The following MCTP1 variants were observed in gnomAD, a reference collection of about 807,000 sequenced individuals.
The protein encoded by MCTP1 is multiple C2 and transmembrane domain-containing protein 1.
A neutral mutation model predicts 120.6 loss-of-function variants in MCTP1; 69 were observed. That is an observed-to-expected ratio of 0.57 (90% CI 0.47 to 0.70). MCTP1 has a LOEUF of 0.70. Ranked by LOEUF, MCTP1 falls within the 30% of genes least tolerant of loss-of-function variation. MCTP1 has a pLI of 0.00. For missense variants in MCTP1, 1,203 were observed against 1,248.8 expected, an observed-to-expected ratio of 0.96 and a Z score of 0.55; for synonymous variants, 529 against 493.1, an observed-to-expected ratio of 1.07 and a Z score of -0.96.
rs566033810 is a variant in MCTP1 at position 94,708,521 on chromosome 5, A to G, written c.2919T>C (p.Asp973=). ...LLDFLSRVPS[D]VQVVQYQELK... ...AACGAAACCTACATACCACTTGTAC[A>G]TCTGAAGGGACTCTGGAAAGGAAGT... The change falls in exon 22 of 23, where the codon GAT becomes GAC. Residue 973 remains aspartate (D), a synonymous_variant. Transcript: ENST00000515393. 23 of 1,594,926 alleles carry G rather than the reference A, an allele frequency of 1.4e-5. No homozygotes were observed. The highest frequency in any genetic ancestry group is 4.0e-5 in the African/African-American group (3 of 74,408).
intron 1 of MCTP1, among the ~76,000 whole-genome samples, chr5:95,185,833 T>TA (rs1749142137): frequency 6.6e-6 from 1 of 151,780 alleles, no homozygotes; most frequent in African/African-American, 2.4e-5. Flanking sequence ...CTGTCTCTAC[T>TA]AAAAAAATAA....
intron 17 of MCTP1, among the ~76,000 whole-genome samples, chr5:94,808,670 G>T (rs994031628): frequency 6.6e-6 from 1 of 152,064 alleles, no homozygotes; most frequent in Non-Finnish European, 1.5e-5. Context: ...AAATCAAAGT[G>T]CACTATCTAC....
chr5:95,034,723 T>C (rs1840935222), intron 1 of MCTP1, among the ~76,000 whole-genome samples: 2 of 151,744 alleles, frequency 1.3e-5, no homozygotes, highest in Admixed American at 1.3e-4. Context: ...AATAGACAAA[T>C]GGGACTTAAG....
At chr5:95,032,787 C>G (rs186592436) in intron 1 of MCTP1, among the ~76,000 whole-genome samples, 1 of 151,890 alleles carries the variant, frequency 6.6e-6, no homozygotes, top group Admixed American at 6.6e-5. Context: ...AAAGGATCAA[C>G]AAAATGAACA....
intron 1 of MCTP1, among the ~76,000 whole-genome samples, chr5:95,265,257 T>C (rs1339793909): frequency 6.6e-6 from 1 of 152,124 alleles, no homozygotes; most frequent in Non-Finnish European, 1.5e-5. Flanking sequence ...CCAAGAGGTG[T>C]TCACATTCCA....
rs1561494015 is a variant in MCTP1 at position 94,706,025 on chromosome 5, C to T, written c.*1471G>A. On this transcript the variant is annotated 3_prime_UTR_variant, in exon 23 of 23. Coordinates refer to ENST00000515393, the MANE Select transcript of MCTP1 (RefSeq NM_024717.7). ...ACAACTTATCTCTAAAATAAAAATA[C>T]TTTAAAAATCAGCTTCAATGAGATT... 6.6e-6 allele frequency: 1 copy of T among 151,506 alleles called. No homozygotes were observed. The highest frequency in any genetic ancestry group is 2.4e-5 in the African/African-American group (1 of 41,338). The allele number at this position is 151,506 out of a possible 1,614,324, so 9.4% of individuals were successfully genotyped here. A position where few individuals can be genotyped will look rare whatever the true frequency, so the allele number is the denominator to read the frequency against.
intron 1 of MCTP1, among the ~76,000 whole-genome samples, chr5:95,281,331 G>A (rs576375541): frequency 6.6e-6 from 1 of 152,318 alleles, no homozygotes; most frequent in African/African-American, 2.4e-5. Context: ...CCCCTTCCAG[G>A]TTCCAATTCC....
intron 6 of MCTP1, 104 bp downstream of exon 6, chr5:94,931,849 T>C: frequency 1.2e-6 from 1 of 866,958 alleles, no homozygotes. Flanking sequence ...AATTGAATAG[T>C]ATGAAATCTG....
At chr5:95,060,940 CA>C (rs34418928) in intron 1 of MCTP1, among the ~76,000 whole-genome samples, 99,313 of 116,998 alleles carry the variant, frequency 0.85, 42,287 homozygotes, top group East Asian at 0.97. Context: ...TGCCACTCCA[CA>C]AAAAAAAAAA....
intron 19 of MCTP1, among the ~76,000 whole-genome samples, chr5:94,753,096 T>C (rs1165437788): frequency 6.6e-6 from 1 of 152,180 alleles, no homozygotes; most frequent in Non-Finnish European, 1.5e-5. Context: ...AGGTCCTAAT[T>C]ACCCTGACTG....
chr5:94,772,329 A>G (rs553540294), intron 19 of MCTP1, among the ~76,000 whole-genome samples: 8 of 152,186 alleles, frequency 5.3e-5, no homozygotes, highest in African/African-American at 1.9e-4. Flanking sequence ...GGAGAGCTCT[A>G]CCTTTAGGTA....
intron 1 of MCTP1, among the ~76,000 whole-genome samples, chr5:95,028,815 C>G (rs557395526): frequency 6.6e-6 from 1 of 152,158 alleles, no homozygotes; most frequent in Admixed American, 6.5e-5. Flanking sequence ...TATTTGTTTT[C>G]TAATCTTTAA....
intron 17 of MCTP1, among the ~76,000 whole-genome samples, chr5:94,840,312 C>T (rs1330921166): frequency 6.6e-6 from 1 of 152,194 alleles, no homozygotes; most frequent in Non-Finnish European, 1.5e-5. Flanking sequence ...CAGGACAAAA[C>T]TGAGAAGACT....
intron 1 of MCTP1, among the ~76,000 whole-genome samples, chr5:95,246,755 T>C (rs1468023844): frequency 1.3e-5 from 2 of 152,092 alleles, no homozygotes; most frequent in African/African-American, 2.4e-5. Context: ...CAGATCATGG[T>C]GGATAAGCTT....
In MCTP1 at chr5:95,081,662, C is replaced by T. The variant is rs189891683; in HGVS notation, c.721-64178G>A. On this transcript the variant is annotated intron_variant, in intron 1 of 22. Transcript: ENST00000515393. The stretch of plus-strand genomic sequence containing the variant: ...ACTTGGAATGAAAGTAAGAAGAACC[C>T]GTGATGTTTAAATAACGTAGCTTTA... The T allele has an allele frequency of 1.0e-3, 1,366 of 1,319,158 alleles. 22 individuals carry two copies. Among genetic ancestry groups the T allele is most frequent in the South Asian group, 5.4e-4 (23 of 42,214 alleles). 81.7% of individuals were successfully genotyped at this position (1,319,158 alleles called of 1,614,324 possible).
At chr5:95,249,347 A>G (rs1757146093) in intron 1 of MCTP1, among the ~76,000 whole-genome samples, 1 of 152,170 alleles carries the variant, frequency 6.6e-6, no homozygotes, top group African/African-American at 2.4e-5. Context: ...AGTGGGTGAA[A>G]GATATGAACA....
At chr5:95,003,839 G>C (rs1233538827) in intron 2 of MCTP1, among the ~76,000 whole-genome samples, 4 of 152,092 alleles carry the variant, frequency 2.6e-5, no homozygotes, top group African/African-American at 7.2e-5. Context: ...CCAGAAAATT[G>C]GTACCAGAGA....
At chr5:95,205,021 G>GA (rs1287990132) in intron 1 of MCTP1, among the ~76,000 whole-genome samples, 4 of 152,014 alleles carry the variant, frequency 2.6e-5, no homozygotes, top group Non-Finnish European at 1.5e-5. Context: ...AAAGGAACCA[G>GA]AATAGCCAAA....
At chr5:95,111,316 T>G (rs1279426468) in intron 1 of MCTP1, among the ~76,000 whole-genome samples, 1 of 152,170 alleles carries the variant, frequency 6.6e-6, no homozygotes. Context: ...AATGAGCTAG[T>G]TGTTGATTCA....
Sources: gnomAD v4.1 joint callset for allele counts (sites outside exome capture counted in the v4.1 genomes callset) on GRCh38, gnomAD v4.1.1 for gene constraint, MANE v1.5 for transcripts, NCBI Gene and HGNC (gene_info 2026-07-23, HGNC 2026-07-21) for gene names.